The following LRPPRC variants were observed in gnomAD, a reference collection of about 807,000 sequenced individuals.
LRPPRC encodes the protein leucine-rich PPR motif-containing protein, mitochondrial.
Under a neutral mutation model 180.3 loss-of-function variants are expected in LRPPRC, and 120 were observed. The observed-to-expected ratio is 0.67, with a 90% CI of 0.57 to 0.77. LRPPRC has a LOEUF of 0.77. Ranked by LOEUF, LRPPRC falls within the 30% of genes least tolerant of loss-of-function variation. LRPPRC has a pLI of 0.00. For missense variants in LRPPRC, 2,012 were observed against 1,657.2 expected, an observed-to-expected ratio of 1.21 and a Z score of -3.72; for synonymous variants, 723 against 600.0, an observed-to-expected ratio of 1.21 and a Z score of -3.00.
chr2:43,948,657 G>A (rs754945165), intron 16 of LRPPRC, 139 bp from the exon 17 acceptor site: 35 of 676,356 alleles, frequency 5.2e-5, no homozygotes, highest in Admixed American at 1.5e-4. Flanking sequence ...TGATCACTGA[G>A]GCATAGAGAT....
intron 36 of LRPPRC, among the ~76,000 whole-genome samples, chr2:43,891,223 C>CCTTT (rs1670481851): frequency 6.6e-6 from 1 of 152,208 alleles, no homozygotes; most frequent in East Asian, 1.9e-4. Context: ...TGGCATCTTG[C>CCTTT]CTTTCTTTAC....
At chr2:43,917,882 G>C in intron 29 of LRPPRC, 143 bp downstream of exon 29, 2 of 637,060 alleles carry the variant, frequency 3.1e-6, no homozygotes, top group Non-Finnish European at 5.6e-6. Flanking sequence ...TTTCGTTAAA[G>C]TATGGAAGGG....
intron 30 of LRPPRC, among the ~76,000 whole-genome samples, chr2:43,908,582 C>T (rs760516296): frequency 6.6e-5 from 10 of 151,370 alleles, no homozygotes; most frequent in South Asian, 4.2e-4. Context: ...AGTGCAGTGG[C>T]GCAATCTTGG....
In LRPPRC at chr2:43,948,190, T is replaced by G. The variant is rs1345288497; in HGVS notation, c.1852A>C (p.Ile618Leu). Residue 618 changes from isoleucine (I) to leucine (L), a missense_variant, in exon 18 of 38, where the codon ATT (isoleucine) becomes CTT (leucine). By Grantham distance (5) the Ile-to-Leu change is conservative. Transcript: ENST00000260665. ...FHQLEKMNVK[I>L]PENIYRGIRN... ...ATGCCTCTGTAGATATTTTCAGGAA[T>G]TTTTACATTCTGTGAGAAGGGAAGG... The G allele has an allele frequency of 1.9e-6, 3 of 1,594,806 alleles. No homozygotes were observed. In the African/African-American group the frequency reaches 4.0e-5, roughly 21 times the overall value.
intron 1 of LRPPRC, among the ~76,000 whole-genome samples, chr2:43,988,603 A>G (rs1674637586): frequency 6.6e-6 from 1 of 152,056 alleles, no homozygotes; most frequent in Non-Finnish European, 1.5e-5. Context: ...GGTGCTCAAT[A>G]AATGCCTCTG....
intron 1 of LRPPRC, among the ~76,000 whole-genome samples, chr2:43,987,203 T>C (rs1674564047): frequency 1.3e-5 from 2 of 152,066 alleles, no homozygotes; most frequent in African/African-American, 4.8e-5. Flanking sequence ...TTTAAAAATG[T>C]TTGGTAATGA....
chr2:43,896,469 G>A lies in LRPPRC; in HGVS notation c.3900+165C>T, dbSNP rs1014227085. 7 of 595,782 alleles carry A rather than the reference G, an allele frequency of 1.2e-5. No homozygotes were observed. In the Admixed American group the frequency reaches 1.4e-4, roughly 12 times the overall value. The allele number at this position is 595,782 out of a possible 1,614,324, so 36.9% of individuals were successfully genotyped here. The stretch of plus-strand genomic sequence containing the variant: ...GAACTTGTTTTACATTTCCAGTACA[G>A]CTAACAGACGACAAAACTGACTCTA... On this transcript the variant is annotated intron_variant, in intron 35 of 37. Coordinates refer to ENST00000260665, the MANE Select transcript of LRPPRC (RefSeq NM_133259.4).
At chr2:43,949,951 G>A (rs576782493) in intron 15 of LRPPRC, among the ~76,000 whole-genome samples, 3 of 152,290 alleles carry the variant, frequency 2.0e-5, no homozygotes, top group South Asian at 2.1e-4. Flanking sequence ...ACATCACTCT[G>A]AATGAACTGT....
intron 11 of LRPPRC, among the ~76,000 whole-genome samples, chr2:43,970,248 T>A (rs373675197): frequency 1.3e-5 from 2 of 152,212 alleles, no homozygotes; most frequent in East Asian, 1.9e-4. Flanking sequence ...ATTTACATTA[T>A]CTATTTTGCT....
intron 25 of LRPPRC, among the ~76,000 whole-genome samples, chr2:43,931,453 A>G (rs1211255844): frequency 1.3e-5 from 2 of 152,224 alleles, no homozygotes; most frequent in Non-Finnish European, 2.9e-5. Flanking sequence ...GTTATCTAAT[A>G]AGAGTTCTGA....
At chr2:43,931,756 T>G (rs904315036) in intron 25 of LRPPRC, among the ~76,000 whole-genome samples, 1 of 152,170 alleles carries the variant, frequency 6.6e-6, no homozygotes, top group African/African-American at 2.4e-5. Flanking sequence ...TTAGATCTGA[T>G]AGAGAATCTC....
chr2:43,916,775 G>A (rs1252553532), intron 29 of LRPPRC, among the ~76,000 whole-genome samples: 3 of 151,412 alleles, frequency 2.0e-5, no homozygotes, highest in African/African-American at 4.9e-5. Context: ...GCAACATAGC[G>A]AGACCTTGTC....
intron 11 of LRPPRC, among the ~76,000 whole-genome samples, chr2:43,971,822 C>T (rs542464668): frequency 6.6e-6 from 1 of 152,046 alleles, no homozygotes; most frequent in South Asian, 2.1e-4. Context: ...TAAAAGAAGA[C>T]TGTAGAATAT....
intron 13 of LRPPRC, among the ~76,000 whole-genome samples, chr2:43,958,489 G>C (rs1046200497): frequency 6.6e-6 from 1 of 152,164 alleles, no homozygotes; most frequent in Non-Finnish European, 1.5e-5. Flanking sequence ...AATTGTTTTA[G>C]ATCAGCTGCT....
intron 1 of LRPPRC, among the ~76,000 whole-genome samples, chr2:43,986,105 T>C (rs1475568659): frequency 6.6e-6 from 1 of 152,148 alleles, no homozygotes; most frequent in African/African-American, 2.4e-5. Flanking sequence ...CTATATGTCT[T>C]TTCTGGTGAA....
At chr2:43,976,870 G>C (rs561402036) in intron 5 of LRPPRC, 124 bp downstream of exon 5, 1 of 763,030 alleles carries the variant, frequency 1.3e-6, no homozygotes, top group African/African-American at 1.7e-5. Context: ...AGATTTTCTA[G>C]ATTAAAACAG....
chr2:43,927,201 T>A (rs905659309), intron 25 of LRPPRC, among the ~76,000 whole-genome samples: 1 of 152,230 alleles, frequency 6.6e-6, no homozygotes, highest in African/African-American at 2.4e-5. Flanking sequence ...CTAGAGGAGG[T>A]ATCTTTACTG....
At position 43,982,329 on chromosome 2, in the gene LRPPRC, CCAAT is replaced by C. The variant is rs1553413047; in HGVS notation, c.251_254del (p.Asp84GlyfsTer3). The C allele has an allele frequency of 1.2e-6, 2 of 1,613,076 alleles. No homozygotes were observed. The highest frequency in any genetic ancestry group is 1.7e-6 in the Non-Finnish European group (2 of 1,179,388). On this transcript the variant is annotated frameshift_variant, in exon 2 of 38. Transcript: ENST00000260665. LOFTEE classifies it high-confidence loss of function. Reference sequence around the variant, plus strand: ...CAGAAAGATCTAGTCTCATTAGAGCCCAATCAAACTGATTGGAAATCTTCCTAGA... The same window carrying C: ...CAGAAAGATCTAGTCTCATTAGAGCCCAAACTGATTGGAAATCTTCCTAGA...
At chr2:43,947,831 A>G (rs902317762) in intron 18 of LRPPRC, 56 bp from the exon 19 acceptor site, 3 of 1,133,608 alleles carry the variant, frequency 2.6e-6, no homozygotes, top group African/African-American at 3.0e-5. Context: ...AAAATACATC[A>G]GCAAACATCA....
Sources: gnomAD v4.1 joint callset for allele counts (sites outside exome capture counted in the v4.1 genomes callset) on GRCh38, gnomAD v4.1.1 for gene constraint, MANE v1.5 for transcripts, NCBI Gene and HGNC (gene_info 2026-07-23, HGNC 2026-07-21) for gene names.